Variants in EXOC6B observed in about 807,000 individuals in gnomAD.
The protein encoded by EXOC6B is exocyst complex component 6B.
A neutral mutation model predicts 113.5 loss-of-function variants in EXOC6B; 54 were observed. That is an observed-to-expected ratio of 0.48 (90% confidence interval 0.38 to 0.60). The LOEUF is 0.60. Ranked by LOEUF, EXOC6B falls within the 20% of genes least tolerant of loss-of-function variation. The pLI is 0.00. For missense variants in EXOC6B, 797 were observed against 977.5 expected, an observed-to-expected ratio of 0.82 and a Z score of 2.46; for synonymous variants, 357 against 339.0, an observed-to-expected ratio of 1.05 and a Z score of -0.58.
chr2:72,479,984 C>T (rs1180848898), intron 17 of EXOC6B, among the ~76,000 whole-genome samples: 1 of 152,102 alleles, frequency 6.6e-6, no homozygotes, highest in African/African-American at 2.4e-5. Context: ...GGGTGGATCG[C>T]TTGAACCCAG....
chr2:72,400,386 A>T (rs1484588017), intron 18 of EXOC6B, among the ~76,000 whole-genome samples: 1 of 152,120 alleles, frequency 6.6e-6, no homozygotes, highest in Non-Finnish European at 1.5e-5. Context: ...ACAATTTATG[A>T]CTAAGATCTC....
At chr2:72,413,077 G>C (rs193200342) in intron 18 of EXOC6B, among the ~76,000 whole-genome samples, 2,958 of 152,110 alleles carry the variant, frequency 0.019, 35 homozygotes, top group Middle Eastern at 0.054. Flanking sequence ...TCCTGCCTCA[G>C]CCTCCTCAGT....
rs751447961 is a variant in EXOC6B at position 72,741,473 on chromosome 2, TA to T, written c.114-5del. 311 of 1,555,964 alleles carry T rather than the reference TA, an allele frequency of 2.0e-4. No individual in the cohort carries two copies. Among genetic ancestry groups the T allele is most frequent in the Admixed American group, 4.5e-4 (23 of 51,472 alleles). ...TTCTTCACCATCATAAACAGACCTT[TA>T]AAAAAAAATGGCACGAAGATTATAC... On this transcript the variant is annotated splice_region_variant and splice_polypyrimidine_tract_variant and intron_variant, in intron 1 of 21. Coordinates refer to ENST00000272427, the MANE Select transcript of EXOC6B (RefSeq NM_015189.3).
chr2:72,209,243 A>AAG (rs1553465675), intron 20 of EXOC6B, among the ~76,000 whole-genome samples: 113 of 110,572 alleles, frequency 1.0e-3, no homozygotes, highest in African/African-American at 3.9e-3. Flanking sequence ...AAAAAAAAAA[A>AAG]AAAAGAAAAG....
chr2:72,654,366 T>C (rs777082843), intron 6 of EXOC6B, among the ~76,000 whole-genome samples: 29 of 152,216 alleles, frequency 1.9e-4, no homozygotes, highest in Middle Eastern at 3.2e-3. Flanking sequence ...TCCCAAAAGG[T>C]GTATATATCA....
intron 6 of EXOC6B, among the ~76,000 whole-genome samples, chr2:72,713,812 A>G (rs915706232): frequency 2.0e-5 from 3 of 152,214 alleles, no homozygotes; most frequent in Non-Finnish European, 4.4e-5. Context: ...GACGTGGAAG[A>G]TATTTATCTT....
intron 18 of EXOC6B, among the ~76,000 whole-genome samples, chr2:72,430,508 A>T (rs1164399432): frequency 6.6e-6 from 1 of 152,178 alleles, no homozygotes; most frequent in East Asian, 1.9e-4. Flanking sequence ...TTAGTCAGGC[A>T]TGGTGGCACA....
chr2:72,790,697 T>C (rs1684626003), intron 1 of EXOC6B, among the ~76,000 whole-genome samples: 1 of 152,190 alleles, frequency 6.6e-6, no homozygotes, highest in South Asian at 2.1e-4. Context: ...GCATTACTAT[T>C]AGAATTAACA....
At chr2:72,667,724 C>T (rs1243067876) in intron 6 of EXOC6B, among the ~76,000 whole-genome samples, 1 of 152,134 alleles carries the variant, frequency 6.6e-6, no homozygotes, top group Non-Finnish European at 1.5e-5. Flanking sequence ...AAAATTCACT[C>T]AAGATGGACT....
intron 11 of EXOC6B, among the ~76,000 whole-genome samples, chr2:72,507,769 T>G (rs1303464690): frequency 2.1e-5 from 3 of 140,428 alleles, no homozygotes; most frequent in Non-Finnish European, 4.7e-5. Flanking sequence ...AAAAACTCCC[T>G]TAAGATTAAT....
chr2:72,289,039 C>T (rs987210443), intron 20 of EXOC6B: 2 of 292,912 alleles, frequency 6.8e-6, no homozygotes, highest in East Asian at 1.9e-4. Context: ...GTATTGACAA[C>T]CTCAGCTGGT....
At chr2:72,596,628 A>G (rs1670090908) in intron 6 of EXOC6B, among the ~76,000 whole-genome samples, 1 of 152,150 alleles carries the variant, frequency 6.6e-6, no homozygotes, top group Admixed American at 6.5e-5. Flanking sequence ...TCTGAAGGTC[A>G]CAGTCCAGGA....
In EXOC6B at chr2:72,513,192, G is replaced by A; in HGVS notation, c.1107C>T (p.Tyr369=). Residue 369 remains tyrosine (Y), a synonymous_variant, in exon 11 of 22, where the codon TAC becomes TAT. Coordinates refer to ENST00000272427, the MANE Select transcript of EXOC6B (RefSeq NM_015189.3). ...HTTQGLVNRA[Y]IDELWEMALS... The stretch of plus-strand genomic sequence containing the variant: ...GTGCCATTTCCCACAGTTCATCAAT[G>A]TAGGCTCTATTTACTAAGCCCTGGG... 9.3e-6 allele frequency: 15 copies of A among 1,613,380 alleles called. No homozygotes were observed. Among genetic ancestry groups the A allele is most frequent in the Non-Finnish European group, 1.2e-5 (14 of 1,179,458 alleles).
intron 20 of EXOC6B, among the ~76,000 whole-genome samples, chr2:72,191,492 TTTGTTG>T (rs144478642): frequency 1.3e-5 from 2 of 152,130 alleles, no homozygotes; most frequent in Non-Finnish European, 2.9e-5. Context: ...CAGCTGGTTG[TTTGTTG>T]TTGTTGTTGT....
At chr2:72,408,582 GT>G (rs1370967325) in intron 18 of EXOC6B, among the ~76,000 whole-genome samples, 1 of 152,088 alleles carries the variant, frequency 6.6e-6, no homozygotes, top group Non-Finnish European at 1.5e-5. Context: ...ACTATCTGAT[GT>G]TTGACAAACC....
Position 72,383,956 on chromosome 2 carries a change from A to G in EXOC6B, c.1981-4086T>C, listed in dbSNP as rs188218677. Among the ~76,000 whole-genome samples the G allele has an allele frequency of 5.7e-4, 87 of 152,202 alleles. 3 individuals carry two copies. The East Asian group carries it at 0.012, about 21-fold the overall frequency. Reference sequence around the variant, plus strand: ...AGCAGGAGCTAAATAAAAAGAACACATGGTCACAAAGAGGGGAATAACAGA... The same window carrying G: ...AGCAGGAGCTAAATAAAAAGAACACGTGGTCACAAAGAGGGGAATAACAGA... On this transcript the variant is annotated intron_variant, in intron 18 of 21. Coordinates refer to ENST00000272427, the MANE Select transcript of EXOC6B (RefSeq NM_015189.3).
intron 1 of EXOC6B, among the ~76,000 whole-genome samples, chr2:72,758,124 C>T (rs941291802): frequency 2.0e-5 from 3 of 147,812 alleles, no homozygotes; most frequent in African/African-American, 7.6e-5. Flanking sequence ...GTTTGCACCA[C>T]TGCACTCCAG....
intron 1 of EXOC6B, among the ~76,000 whole-genome samples, chr2:72,823,459 G>GAAAAAAAAAAAACAA (rs1686694261): frequency 1.4e-5 from 1 of 70,030 alleles, no homozygotes; most frequent in African/African-American, 8.2e-5. Flanking sequence ...AAAGTTTTAA[G>GAAAAAAAAAAAACAA]AAAAAAAAAA....
Position 72,759,875 on chromosome 2 carries a change from G to C in EXOC6B, c.114-18406C>G, listed in dbSNP as rs1682641605. ...CAGCCCCCTAACTGTGTCCAACTTG[G>C]AGAGAATTTGCCACAAGCCAAAGCT... On this transcript the variant is annotated intron_variant, in intron 1 of 21. Coordinates refer to ENST00000272427, the MANE Select transcript of EXOC6B (RefSeq NM_015189.3). 2.6e-5 allele frequency among the ~76,000 whole-genome samples: 4 copies of C among 152,294 alleles called. No homozygotes were observed. The South Asian group carries it at 8.3e-4, about 32-fold the overall frequency.
Sources: allele counts gnomAD v4.1 joint callset (sites outside exome capture counted in the v4.1 genomes callset), GRCh38; gene constraint gnomAD v4.1.1; transcripts MANE v1.5; gene names NCBI Gene and HGNC (gene_info 2026-07-23, HGNC 2026-07-21).